The following CAMK1D variants were observed in gnomAD, a reference collection of about 807,000 sequenced individuals.
The protein encoded by CAMK1D is calcium/calmodulin dependent protein kinase ID, also known as calcium/calmodulin-dependent protein kinase type 1D.
Under a neutral mutation model 47.7 loss-of-function variants are expected in CAMK1D, and 9 were observed. The observed-to-expected ratio is 0.19, with a 90% CI of 0.11 to 0.33. The LOEUF (loss-of-function observed/expected upper bound fraction) is 0.33, where lower values mean the gene tolerates loss of function less well. Among genes scored for constraint, CAMK1D ranks in the 10% least tolerant of loss-of-function variants. CAMK1D has a pLI of 1.00. For synonymous variants in CAMK1D, 184 were observed against 184.9 expected (o/e 0.99, Z 0.04); for missense variants, 291 against 488.7 (o/e 0.60, Z 3.81).
chr10:12,532,884 A>G (rs1030231890), intron 1 of CAMK1D, among the ~76,000 whole-genome samples: 1 of 148,414 alleles, frequency 6.7e-6, no homozygotes, highest in South Asian at 2.1e-4. Context: ...TGTGGGATCT[A>G]AAAAGCAAAA....
At chr10:12,816,992 C>CA (rs1461227547) in intron 8 of CAMK1D, among the ~76,000 whole-genome samples, 2 of 148,330 alleles carry the variant, frequency 1.3e-5, no homozygotes, top group East Asian at 2.2e-4. Flanking sequence ...TGGTGGAAGG[C>CA]AAGGAGTAGC....
At chr10:12,378,971 G>A (rs985722272) in intron 1 of CAMK1D, among the ~76,000 whole-genome samples, 1 of 151,866 alleles carries the variant, frequency 6.6e-6, no homozygotes, top group Non-Finnish European at 1.5e-5. Context: ...CAGCATGCCC[G>A]GCTAATTTTT....
At chr10:12,414,610 A>G (rs1050548215) in intron 1 of CAMK1D, among the ~76,000 whole-genome samples, 1 of 152,186 alleles carries the variant, frequency 6.6e-6, no homozygotes, top group African/African-American at 2.4e-5. Context: ...ACTAATGCCT[A>G]CTTGTAGGCA....
intron 3 of CAMK1D, among the ~76,000 whole-genome samples, chr10:12,693,930 A>G (rs1833039610): frequency 9.7e-6 from 1 of 103,370 alleles, no homozygotes; most frequent in Non-Finnish European, 1.8e-5. Context: ...AAATATATAT[A>G]ACATATATAA....
In CAMK1D at chr10:12,407,053, T is replaced by A. The variant is rs187316933; in HGVS notation, c.92+57143T>A. ...CCCACCCCCATGCCAATTTCCATTT[T>A]GCCTTCTCCTCTTCCTCTGTCCCTG... On this transcript the variant is annotated intron_variant, in intron 1 of 10. Transcript: ENST00000619168. Among the ~76,000 whole-genome samples the A allele has an allele frequency of 3.9e-4, 60 of 152,348 alleles. No homozygotes were observed. The East Asian group carries it at 0.01, about 25-fold the overall frequency.
intron 1 of CAMK1D, among the ~76,000 whole-genome samples, chr10:12,387,823 A>G (rs1418227851): frequency 6.6e-6 from 1 of 152,070 alleles, no homozygotes; most frequent in African/African-American, 2.4e-5. Context: ...ATAATTGCTC[A>G]ATAAATGCTA....
intron 2 of CAMK1D, among the ~76,000 whole-genome samples, chr10:12,659,638 A>T (rs1416731008): frequency 1.3e-5 from 2 of 150,970 alleles, no homozygotes; most frequent in African/African-American, 2.4e-5. Flanking sequence ...TAAGGAGGAA[A>T]TGATTTTTTT....
At chr10:12,734,761 C>G (rs1158838034) in intron 3 of CAMK1D, among the ~76,000 whole-genome samples, 2 of 151,972 alleles carry the variant, frequency 1.3e-5, no homozygotes, top group Non-Finnish European at 2.9e-5. Flanking sequence ...CCCGATTTTT[C>G]TTACTTGTAT....
intron 2 of CAMK1D, among the ~76,000 whole-genome samples, chr10:12,665,601 G>A (rs1840403975): frequency 6.6e-6 from 1 of 152,198 alleles, no homozygotes; most frequent in Non-Finnish European, 1.5e-5. Context: ...TTCAATGAGA[G>A]GCTTATGGTA....
chr10:12,409,556 C>G (rs1230663912), intron 1 of CAMK1D, among the ~76,000 whole-genome samples: 1 of 152,224 alleles, frequency 6.6e-6, no homozygotes, highest in Non-Finnish European at 1.5e-5. Flanking sequence ...GTAGCTAGGA[C>G]TACAAGTTGA....
At chr10:12,430,302 G>A (rs1479597866) in intron 1 of CAMK1D, among the ~76,000 whole-genome samples, 2 of 152,098 alleles carry the variant, frequency 1.3e-5, no homozygotes, top group East Asian at 1.9e-4. Flanking sequence ...AACACGATCC[G>A]CTCTCCCGGA....
intron 2 of CAMK1D, among the ~76,000 whole-genome samples, chr10:12,650,344 A>G (rs1257223740): frequency 6.6e-6 from 1 of 152,234 alleles, no homozygotes; most frequent in Non-Finnish European, 1.5e-5. Context: ...CTGTGCCCGC[A>G]TAGCCCTGTG....
intron 1 of CAMK1D, among the ~76,000 whole-genome samples, chr10:12,534,962 C>G (rs992305987): frequency 6.6e-6 from 1 of 152,170 alleles, no homozygotes; most frequent in Non-Finnish European, 1.5e-5. Context: ...CAGATAACTG[C>G]AAGGTTGGGA....
chr10:12,699,745 A>G (rs10906210), intron 3 of CAMK1D, among the ~76,000 whole-genome samples: 108,381 of 151,882 alleles, frequency 0.71, 44,157 homozygotes, highest in Non-Finnish European at 0.91. Context: ...TGTTAAAACA[A>G]GTTATTCATT....
At chr10:12,398,021 C>T (rs926148338) in intron 1 of CAMK1D, among the ~76,000 whole-genome samples, 3 of 152,128 alleles carry the variant, frequency 2.0e-5, no homozygotes, top group African/African-American at 4.8e-5. Flanking sequence ...AATTTTTCAT[C>T]GTAACTTGAG....
intron 6 of CAMK1D, among the ~76,000 whole-genome samples, chr10:12,806,303 C>T (rs1838727937): frequency 6.6e-6 from 1 of 152,220 alleles, no homozygotes; most frequent in African/African-American, 2.4e-5. Flanking sequence ...CCGTCTGTTC[C>T]ATGCCTGGGA....
intron 3 of CAMK1D, among the ~76,000 whole-genome samples, chr10:12,725,631 C>A (rs889939843): frequency 3.9e-5 from 6 of 152,214 alleles, no homozygotes; most frequent in Admixed American, 3.9e-4. Flanking sequence ...TCTCTCATTT[C>A]GGCATCTTGC....
At chr10:12,806,637 C>T (rs546063378) in intron 6 of CAMK1D, among the ~76,000 whole-genome samples, 7 of 152,342 alleles carry the variant, frequency 4.6e-5, no homozygotes, top group African/African-American at 9.6e-5. Context: ...GTCCTTCTCC[C>T]GAGCTCCACC....
intron 1 of CAMK1D, among the ~76,000 whole-genome samples, chr10:12,526,476 T>A (rs1835625467): frequency 6.6e-6 from 1 of 152,214 alleles, no homozygotes; most frequent in Non-Finnish European, 1.5e-5. Context: ...ACACCCTTGA[T>A]CTCAGGGGTG....
Sources: gnomAD v4.1 joint callset for allele counts (sites outside exome capture counted in the v4.1 genomes callset) on GRCh38, gnomAD v4.1.1 for gene constraint, MANE v1.5 for transcripts, NCBI Gene and HGNC (gene_info 2026-07-23, HGNC 2026-07-21) for gene names.